Variants in SGSM1 observed in about 807,000 individuals in gnomAD.
SGSM1 encodes the protein RUN and TBC1 domain containing 2.
Under a neutral mutation model 133.8 loss-of-function variants are expected in SGSM1, and 73 were observed. The observed-to-expected ratio is 0.55, with a 90% confidence interval of 0.45 to 0.66. The LOEUF is 0.66. Ranked by LOEUF, SGSM1 falls within the 30% of genes least tolerant of loss-of-function variation. The pLI, the probability that SGSM1 is intolerant of heterozygous loss-of-function variation, is 0.00. For missense variants in SGSM1, 1,213 were observed against 1,448.1 expected, an observed-to-expected ratio of 0.84 and a Z score of 2.64; for synonymous variants, 563 against 573.0, an observed-to-expected ratio of 0.98 and a Z score of 0.25.
Position 24,822,067 on chromosome 22 carries a change from G to A in SGSM1, c.63+15583G>A, listed in dbSNP as rs568633916. The stretch of plus-strand genomic sequence containing the variant: ...TTCCACTGCCCTGCAAACCTCCCAT[G>A]CTCTACCTGTTCATCTCTCTCTTTT... On this transcript the variant is annotated intron_variant, in intron 2 of 24. Transcript: ENST00000400358. 1.1e-4 allele frequency among the ~76,000 whole-genome samples: 16 copies of A among 147,648 alleles called. No homozygotes were observed. The East Asian group carries it at 3.2e-3, about 30-fold the overall frequency.
intron 8 of SGSM1, among the ~76,000 whole-genome samples, chr22:24,858,693 G>A (rs1930955873): frequency 6.6e-6 from 1 of 151,252 alleles, no homozygotes; most frequent in East Asian, 1.9e-4. Context: ...CTTCCCTGCA[G>A]GGATGAATTA....
intron 12 of SGSM1, among the ~76,000 whole-genome samples, chr22:24,873,604 A>G (rs1931872244): frequency 6.6e-6 from 1 of 152,076 alleles, no homozygotes; most frequent in Non-Finnish European, 1.5e-5. Flanking sequence ...TAATCCCAGC[A>G]CTTTGGGAGG....
Position 24,846,041 on chromosome 22 carries a change from CTT to C in SGSM1, c.139+1083_139+1084del, listed in dbSNP as rs11320292. The stretch of plus-strand genomic sequence containing the variant: ...TCTTTCTCTCTTTCTCTCTTTCTTT[CTT>C]TTTTTTTTTTTTTGAGACAGGATCT... On this transcript the variant is annotated intron_variant, in intron 3 of 24. Transcript: ENST00000400358. Among the ~76,000 whole-genome samples, 200 of 91,234 alleles carry C rather than the reference CTT, an allele frequency of 2.2e-3. 2 individuals carry two copies. The highest frequency in any genetic ancestry group is 8.4e-3 in the African/African-American group (180 of 21,336). The allele number at this position is 91,234 out of a possible 152,430, so 59.9% of individuals were successfully genotyped here.
chr22:24,862,885 A>G (rs1487369348), intron 9 of SGSM1, among the ~76,000 whole-genome samples: 1 of 150,770 alleles, frequency 6.6e-6, no homozygotes, highest in East Asian at 2.0e-4. Flanking sequence ...TGGTCTCCTT[A>G]GAACTCAAGG....
At chr22:24,851,847 T>C (rs892263866) in intron 5 of SGSM1, among the ~76,000 whole-genome samples, 1 of 152,180 alleles carries the variant, frequency 6.6e-6, no homozygotes, top group Non-Finnish European at 1.5e-5. Flanking sequence ...GAATAGCAGG[T>C]GCAGAGGCCT....
intron 2 of SGSM1, among the ~76,000 whole-genome samples, chr22:24,837,594 T>G (rs1179445855): frequency 1.3e-5 from 1 of 76,444 alleles, no homozygotes; most frequent in African/African-American, 5.2e-5. Context: ...CCCCCCCCTT[T>G]CCCAGTCTGC....
chr22:24,902,471 G>A (rs1217872454), intron 20 of SGSM1, among the ~76,000 whole-genome samples: 1 of 152,066 alleles, frequency 6.6e-6, no homozygotes, highest in Non-Finnish European at 1.5e-5. Context: ...CTTCAAAAAA[G>A]TAGAGACTGG....
At chr22:24,864,803 A>T (rs4470421) in intron 9 of SGSM1, among the ~76,000 whole-genome samples, 18,142 of 152,266 alleles carry the variant, frequency 0.12, 1,142 homozygotes, top group South Asian at 0.24. Context: ...ACACTTACAG[A>T]GAGTAAATTC....
At chr22:24,808,065 T>C (rs1368620246) in intron 2 of SGSM1, among the ~76,000 whole-genome samples, 1 of 151,870 alleles carries the variant, frequency 6.6e-6, no homozygotes, top group Admixed American at 6.6e-5. Context: ...CTCCTGTGGG[T>C]ATTCCAAGGG....
At chr22:24,877,547 G>A (rs913941515) in intron 13 of SGSM1, among the ~76,000 whole-genome samples, 1 of 151,914 alleles carries the variant, frequency 6.6e-6, no homozygotes, top group South Asian at 2.1e-4. Context: ...TTGTCCTTGC[G>A]GGGCTTCTGT....
intron 2 of SGSM1, chr22:24,813,663 T>C (rs1264616213): frequency 1.3e-5 from 2 of 152,256 alleles, no homozygotes; most frequent in East Asian, 3.8e-4. Context: ...CCGATGCGTT[T>C]TGATGCTTTT....
intron 9 of SGSM1, among the ~76,000 whole-genome samples, chr22:24,860,513 T>G (rs1931061398): frequency 6.6e-6 from 1 of 152,130 alleles, no homozygotes; most frequent in African/African-American, 2.4e-5. Flanking sequence ...CTAAAAAAAC[T>G]TTCTACAATG....
intron 13 of SGSM1, among the ~76,000 whole-genome samples, chr22:24,878,230 T>C (rs569977242): frequency 1.1e-4 from 17 of 152,298 alleles, no homozygotes; most frequent in African/African-American, 4.1e-4. Context: ...GGAATCCACA[T>C]GTTGGAGAAA....
At chr22:24,827,804 A>T (rs1405195448) in intron 2 of SGSM1, among the ~76,000 whole-genome samples, 2 of 152,074 alleles carry the variant, frequency 1.3e-5, no homozygotes, top group Admixed American at 1.3e-4. Context: ...CATACAGTGA[A>T]TAGCTGAGGA....
chr22:24,833,995 C>A (rs1273693861), intron 2 of SGSM1, among the ~76,000 whole-genome samples: 1 of 152,132 alleles, frequency 6.6e-6, no homozygotes. Context: ...ATGTCCTGAG[C>A]AAGCTCATGG....
At chr22:24,837,397 A>G (rs1428989763) in intron 2 of SGSM1, among the ~76,000 whole-genome samples, 1 of 152,186 alleles carries the variant, frequency 6.6e-6, no homozygotes, top group African/African-American at 2.4e-5. Context: ...GCTATCTAGA[A>G]GGCAGAGCCA....
intron 13 of SGSM1, among the ~76,000 whole-genome samples, chr22:24,878,867 A>AGT (rs1316992538): frequency 6.6e-6 from 1 of 152,252 alleles, no homozygotes; most frequent in Non-Finnish European, 1.5e-5. Context: ...AACTGGTTCA[A>AGT]GTACAAAAGG....
intron 24 of SGSM1, among the ~76,000 whole-genome samples, chr22:24,921,211 C>T (rs1169840173): frequency 6.6e-6 from 1 of 151,634 alleles, no homozygotes; most frequent in Admixed American, 6.6e-5. Context: ...GTGATTCTCC[C>T]GCCTCAGCCT....
chr22:24,855,573 A>C lies in SGSM1; in HGVS notation c.694A>C (p.Ser232Arg). 6.2e-7 allele frequency: 1 copy of C among 1,613,870 alleles called. No individual in the cohort carries two copies. The highest frequency in any genetic ancestry group is 8.5e-7 in the Non-Finnish European group (1 of 1,179,844). Residue 232 changes from serine (S) to arginine (R), a missense_variant, in exon 8 of 25, where the codon AGC becomes CGC. Coordinates refer to ENST00000400358, the MANE Select transcript of SGSM1 (RefSeq NM_001098497.3). ...GATCCAGAAGAGGCATTCCAGTGGC[A>C]GCATGGATGACCGGCCATCCCTCTC... ...LCIQKRHSSGSMDDRPSLSAR... is the reference protein window; with the variant it reads ...LCIQKRHSSGRMDDRPSLSAR...
Sources: gnomAD v4.1 joint callset for allele counts (sites outside exome capture counted in the v4.1 genomes callset) on GRCh38, gnomAD v4.1.1 for gene constraint, MANE v1.5 for transcripts, NCBI Gene and HGNC (gene_info 2026-07-23, HGNC 2026-07-21) for gene names.